Variants in PALLD observed in about 807,000 individuals in gnomAD.
The protein encoded by PALLD is palladin.
A neutral mutation model predicts 123.5 loss-of-function variants in PALLD; 61 were observed. The ratio of observed to expected loss-of-function variants is 0.49; its 90% CI spans 0.40 to 0.61. The LOEUF (loss-of-function observed/expected upper bound fraction) is 0.61, where lower values mean the gene tolerates loss of function less well. Ranked by LOEUF, PALLD falls within the 20% of genes least tolerant of loss-of-function variation. PALLD has a pLI of 0.00. For synonymous variants in PALLD, 465 were observed against 496.4 expected (o/e 0.94, Z 0.84); for missense variants, 1,273 against 1,377.0 (o/e 0.92, Z 1.20).
chr4:168,532,630 C>G (rs1023616374), intron 2 of PALLD, among the ~76,000 whole-genome samples: 1 of 151,988 alleles, frequency 6.6e-6, no homozygotes, highest in African/African-American at 2.4e-5. Flanking sequence ...AGAGGATTGT[C>G]TGAAAAATCA....
intron 2 of PALLD, among the ~76,000 whole-genome samples, chr4:168,654,323 C>CT (rs577856644): frequency 2.0e-5 from 3 of 151,910 alleles, no homozygotes; most frequent in South Asian, 2.1e-4. Flanking sequence ...TGCCAAGTCT[C>CT]TAAGTGCCTC....
intron 15 of PALLD, among the ~76,000 whole-genome samples, chr4:168,907,440 A>G (rs1250921335): frequency 6.6e-6 from 1 of 152,048 alleles, no homozygotes; most frequent in Admixed American, 6.6e-5. Flanking sequence ...TATCACCTCC[A>G]TGGGAAAGGA....
At chr4:168,867,393 T>C (rs1455036509) in intron 10 of PALLD, among the ~76,000 whole-genome samples, 2 of 152,174 alleles carry the variant, frequency 1.3e-5, no homozygotes, top group Non-Finnish European at 2.9e-5. Flanking sequence ...TGGATACCCT[T>C]CTCAGGCCTC....
intron 2 of PALLD, among the ~76,000 whole-genome samples, chr4:168,667,353 A>G (rs957565837): frequency 2.1e-4 from 23 of 109,034 alleles, no homozygotes; most frequent in Non-Finnish European, 3.1e-4. Flanking sequence ...AGATTTCTAC[A>G]TATTTCTTTA....
At chr4:168,793,074 T>A (rs974985578) in intron 10 of PALLD, among the ~76,000 whole-genome samples, 1 of 151,284 alleles carries the variant, frequency 6.6e-6, no homozygotes, top group African/African-American at 2.4e-5. Flanking sequence ...ATGTGCGTAA[T>A]ACATGTATGT....
At chr4:168,604,155 T>C (rs1240182339) in intron 2 of PALLD, among the ~76,000 whole-genome samples, 2 of 152,138 alleles carry the variant, frequency 1.3e-5, no homozygotes, top group African/African-American at 2.4e-5. Context: ...GCCTGACAAA[T>C]TCTGTAGAAG....
chr4:168,882,651 T>C (rs998663613), intron 10 of PALLD, among the ~76,000 whole-genome samples: 3 of 152,130 alleles, frequency 2.0e-5, no homozygotes, highest in African/African-American at 7.2e-5. Flanking sequence ...GTTGGAGGTG[T>C]TATTACTGGG....
chr4:168,855,801 G>A (rs1483404941), intron 10 of PALLD, among the ~76,000 whole-genome samples: 1 of 152,184 alleles, frequency 6.6e-6, no homozygotes, highest in Non-Finnish European at 1.5e-5. Flanking sequence ...TACTTCACAT[G>A]TACTACCACA....
At chr4:168,710,303 T>C (rs535465516) in intron 9 of PALLD, among the ~76,000 whole-genome samples, 200 of 152,274 alleles carry the variant, frequency 1.3e-3, no homozygotes, top group African/African-American at 4.7e-3. Flanking sequence ...CTTTTCTTTT[T>C]ATTTGTCTGT....
chr4:168,773,866 C>T (rs1323501621), intron 10 of PALLD, among the ~76,000 whole-genome samples: 1 of 152,136 alleles, frequency 6.6e-6, no homozygotes, highest in Non-Finnish European at 1.5e-5. Context: ...GTTAGCTTCC[C>T]CTCCAACACT....
intron 2 of PALLD, among the ~76,000 whole-genome samples, chr4:168,619,198 A>G (rs941169226): frequency 9.2e-5 from 14 of 152,216 alleles, no homozygotes; most frequent in African/African-American, 3.1e-4. Context: ...GCAGAGTCTA[A>G]GGCTGAAGGA....
At chr4:168,713,195 A>T (rs1008170592) in intron 10 of PALLD, among the ~76,000 whole-genome samples, 1 of 152,200 alleles carries the variant, frequency 6.6e-6, no homozygotes, top group African/African-American at 2.4e-5. Flanking sequence ...CTTGTACACA[A>T]TAGTGTGAAA....
At chr4:168,914,595 GA>G (rs1447411614) in intron 16 of PALLD, among the ~76,000 whole-genome samples, 3 of 152,010 alleles carry the variant, frequency 2.0e-5, no homozygotes, top group African/African-American at 7.3e-5. Context: ...GACACTGATG[GA>G]ACAATGGTAG....
intron 1 of PALLD, among the ~76,000 whole-genome samples, chr4:168,506,586 T>C (rs991697586): frequency 6.6e-6 from 1 of 152,172 alleles, no homozygotes; most frequent in Admixed American, 6.5e-5. Context: ...TTTCAGCTTC[T>C]CCCTTCTTAC....
chr4:168,662,926 G>T (rs1779261774), intron 2 of PALLD, among the ~76,000 whole-genome samples: 1 of 152,192 alleles, frequency 6.6e-6, no homozygotes, highest in African/African-American at 2.4e-5. Context: ...GGATGAGGCA[G>T]ATTTCCTTTT....
intron 10 of PALLD, among the ~76,000 whole-genome samples, chr4:168,824,837 T>C (rs1300620082): frequency 1.3e-5 from 2 of 149,198 alleles, no homozygotes; most frequent in South Asian, 4.2e-4. Context: ...TTTTTTTTTT[T>C]TTGAGACAAG....
At position 168,793,365 on chromosome 4, in the gene PALLD, GC is replaced by G. The variant is rs11315933; in HGVS notation, c.1964+81443del. ...TGTGCATATATATACATATATGTGT[GC>G]ATATATATCACATATATATACACAC... is the stretch of plus-strand genomic sequence containing the variant. On this transcript the variant is annotated intron_variant, in intron 10 of 21. Coordinates refer to ENST00000505667, the MANE Select transcript of PALLD (RefSeq NM_001166108.2). Among the ~76,000 whole-genome samples, 120 of 40,804 alleles carry G rather than the reference GC, an allele frequency of 2.9e-3. 22 individuals are homozygous for G. Among genetic ancestry groups the G allele is most frequent in the Non-Finnish European group, 5.4e-3 (70 of 13,076 alleles). The allele number at this position is 40,804 out of a possible 152,430, so 26.8% of individuals were successfully genotyped here.
intron 10 of PALLD, among the ~76,000 whole-genome samples, chr4:168,720,663 T>C (rs1024298943): frequency 6.6e-6 from 1 of 152,208 alleles, no homozygotes; most frequent in African/African-American, 2.4e-5. Context: ...TGCATTTCTC[T>C]TCCTCCTTTC....
intron 10 of PALLD, among the ~76,000 whole-genome samples, chr4:168,883,555 T>C (rs1752920875): frequency 6.6e-6 from 1 of 152,310 alleles, no homozygotes; most frequent in Middle Eastern, 3.4e-3. Context: ...GCTCACAGAA[T>C]TGACCTGCAA....
Sources: gnomAD v4.1 joint callset for allele counts (sites outside exome capture counted in the v4.1 genomes callset) on GRCh38, gnomAD v4.1.1 for gene constraint, MANE v1.5 for transcripts, NCBI Gene and HGNC (gene_info 2026-07-23, HGNC 2026-07-21) for gene names.